The following CSMD1 variants were observed in gnomAD, a reference collection of about 807,000 sequenced individuals.
CSMD1 encodes CUB and Sushi multiple domains 1.
CSMD1 carries 213 observed loss-of-function variants against 417.5 expected under a neutral mutation model. That is an observed-to-expected ratio of 0.51 (90% CI 0.46 to 0.57). CSMD1 has a LOEUF of 0.57. CSMD1 is among the 20% of genes least tolerant of loss of function. The probability of loss-of-function intolerance (pLI) is 0.00; values close to 1 mark genes in which losing one functional copy is unlikely to be tolerated. For missense variants in CSMD1, 6,923 were observed against 4,529.7 expected (o/e 1.53, Z -15.17); for synonymous variants, 2,862 against 1,736.8 (o/e 1.65, Z -16.11).
At chr8:4,404,370 G>C (rs1268931957) in intron 3 of CSMD1, among the ~76,000 whole-genome samples, 2 of 152,138 alleles carry the variant, frequency 1.3e-5, no homozygotes, top group Admixed American at 1.3e-4. Flanking sequence ...ATTTTGTGCT[G>C]TTTTGTTCAA....
chr8:4,052,960 G>T (rs1482373623), intron 3 of CSMD1, among the ~76,000 whole-genome samples: 4 of 152,096 alleles, frequency 2.6e-5, no homozygotes, highest in African/African-American at 9.7e-5. Context: ...GGTATAAATG[G>T]ACCCAGAACC....
intron 5 of CSMD1, among the ~76,000 whole-genome samples, chr8:3,972,460 G>A (rs1278364352): frequency 6.6e-6 from 1 of 152,076 alleles, no homozygotes; most frequent in African/African-American, 2.4e-5. Flanking sequence ...GTGATTCCTT[G>A]GCTTCTTTCA....
At chr8:3,797,418 T>C (rs76516967) in intron 5 of CSMD1, among the ~76,000 whole-genome samples, 2,258 of 152,066 alleles carry the variant, frequency 0.015, 47 homozygotes, top group East Asian at 0.038. Context: ...TCATTTTTCC[T>C]CTTACATTCA....
chr8:4,360,032 C>A (rs760775792), intron 3 of CSMD1, among the ~76,000 whole-genome samples: 2 of 152,176 alleles, frequency 1.3e-5, no homozygotes, highest in African/African-American at 4.8e-5. Flanking sequence ...CTTCCCTGTC[C>A]CCATCTGAGC....
At chr8:4,221,588 G>A (rs1296916315) in intron 3 of CSMD1, among the ~76,000 whole-genome samples, 2 of 152,092 alleles carry the variant, frequency 1.3e-5, no homozygotes, top group Non-Finnish European at 2.9e-5. Context: ...TGTGAAAACA[G>A]TGCTCCAAAA....
intron 1 of CSMD1, among the ~76,000 whole-genome samples, chr8:4,923,373 TAA>T (rs2117153845): frequency 6.6e-6 from 1 of 152,250 alleles, no homozygotes; most frequent in Admixed American, 6.5e-5. Flanking sequence ...CATTTTAAAA[TAA>T]AGAGTGTAAC....
chr8:3,850,666 G>C (rs936970023), intron 5 of CSMD1, among the ~76,000 whole-genome samples: 2 of 152,104 alleles, frequency 1.3e-5, no homozygotes, highest in African/African-American at 4.8e-5. Flanking sequence ...CTGCACTCCA[G>C]CCTGGGTGAC....
intron 37 of CSMD1, among the ~76,000 whole-genome samples, chr8:3,167,511 T>C (rs972269361): frequency 6.6e-6 from 1 of 152,050 alleles, no homozygotes; most frequent in Non-Finnish European, 1.5e-5. Flanking sequence ...GGAAAGGAGG[T>C]GGGTCTTATG....
intron 1 of CSMD1, among the ~76,000 whole-genome samples, chr8:4,888,792 T>A (rs73659282): frequency 1.3e-5 from 2 of 151,928 alleles, no homozygotes; most frequent in Admixed American, 6.6e-5. Context: ...ACAGGACATA[T>A]CAAAAGGTCA....
At chr8:3,884,976 CATAT>C (rs150695435) in intron 5 of CSMD1, among the ~76,000 whole-genome samples, 1 of 148,084 alleles carries the variant, frequency 6.8e-6, no homozygotes, top group African/African-American at 2.5e-5. Context: ...AGGCATCATT[CATAT>C]ATATATATAT....
chr8:4,411,664 A>G (rs1464029449), intron 3 of CSMD1, among the ~76,000 whole-genome samples: 1 of 152,154 alleles, frequency 6.6e-6, no homozygotes, highest in African/African-American at 2.4e-5. Context: ...TATTTTCACA[A>G]TTCACATTTT....
At chr8:3,146,713 G>T (rs1818867443) in intron 40 of CSMD1, among the ~76,000 whole-genome samples, 1 of 152,090 alleles carries the variant, frequency 6.6e-6, no homozygotes, top group Admixed American at 6.6e-5. Flanking sequence ...ACTGAGGCAG[G>T]GTATAGAAAA....
intron 5 of CSMD1, among the ~76,000 whole-genome samples, chr8:3,840,630 T>G (rs1012619420): frequency 2.0e-5 from 3 of 151,936 alleles, no homozygotes; most frequent in Non-Finnish European, 4.4e-5. Flanking sequence ...TATCTGTGTG[T>G]GTGCACTTGC....
chr8:3,092,504 T>G (rs1815011510), intron 47 of CSMD1, among the ~76,000 whole-genome samples: 1 of 152,200 alleles, frequency 6.6e-6, no homozygotes, highest in Non-Finnish European at 1.5e-5. Context: ...TGGAATTGGA[T>G]ATGGGTGAAG....
intron 1 of CSMD1, among the ~76,000 whole-genome samples, chr8:4,824,845 T>C (rs1799731044): frequency 6.6e-6 from 1 of 152,120 alleles, no homozygotes; most frequent in Non-Finnish European, 1.5e-5. Flanking sequence ...AGAAACAATC[T>C]GTATCTCCAA....
At chr8:3,833,640 AG>A (rs1457433044) in intron 5 of CSMD1, among the ~76,000 whole-genome samples, 1 of 152,242 alleles carries the variant, frequency 6.6e-6, no homozygotes, top group East Asian at 1.9e-4. Context: ...TGTCTCTCAC[AG>A]GATGGTGTTT....
intron 26 of CSMD1, among the ~76,000 whole-genome samples, chr8:3,231,243 C>T (rs552621624): frequency 1.3e-5 from 2 of 152,084 alleles, no homozygotes; most frequent in African/African-American, 4.8e-5. Context: ...GATTTTTTCT[C>T]ATTTTTACTT....
intron 2 of CSMD1, among the ~76,000 whole-genome samples, chr8:4,510,390 T>TAAAAAGA (rs1802751113): frequency 1.8e-5 from 1 of 54,618 alleles, no homozygotes; most frequent in African/African-American, 7.7e-5. Flanking sequence ...GCATAATGCC[T>TAAAAAGA]AAAAAAAAAA....
chr8:4,346,125 A>G (rs890753621), intron 3 of CSMD1, among the ~76,000 whole-genome samples: 1 of 152,140 alleles, frequency 6.6e-6, no homozygotes, highest in Non-Finnish European at 1.5e-5. Flanking sequence ...AAGGACCTGG[A>G]GGTTTTTCTA....
Sources: gnomAD v4.1 joint callset for allele counts (sites outside exome capture counted in the v4.1 genomes callset) on GRCh38, gnomAD v4.1.1 for gene constraint, MANE v1.5 for transcripts, NCBI Gene and HGNC (gene_info 2026-07-23, HGNC 2026-07-21) for gene names.